The following NAV3 variants were observed in gnomAD, a reference collection of about 807,000 sequenced individuals.
NAV3 encodes pore membrane and/or filament interacting like protein 1.
Under a neutral mutation model 244.7 loss-of-function variants are expected in NAV3, and 87 were observed. That is an observed-to-expected ratio of 0.36 (90% CI 0.30 to 0.42). NAV3 has a LOEUF of 0.42. Ranked by LOEUF, NAV3 falls within the 20% of genes least tolerant of loss-of-function variation. The pLI, the probability that NAV3 is intolerant of heterozygous loss-of-function variation, is 1.00. For synonymous variants in NAV3, 1,126 were observed against 1,042.2 expected, an observed-to-expected ratio of 1.08 and a Z score of -1.55; for missense variants, 2,663 against 2,893.3, an observed-to-expected ratio of 0.92 and a Z score of 1.83.
chr12:77,605,310 C>T (rs696452), intron 2 of NAV3, among the ~76,000 whole-genome samples: 52,033 of 151,904 alleles, frequency 0.34, 9,151 homozygotes, highest in Middle Eastern at 0.5. Flanking sequence ...TCAATAGCAC[C>T]TGCCCGATCA....
intron 2 of NAV3, among the ~76,000 whole-genome samples, chr12:77,728,003 G>A (rs191520529): frequency 1.3e-5 from 2 of 151,726 alleles, no homozygotes; most frequent in Admixed American, 1.3e-4. Context: ...TTTTTTAGAT[G>A]TTTTAAAATT....
intron 5 of NAV3, among the ~76,000 whole-genome samples, chr12:77,984,149 G>T (rs1870055430): frequency 6.6e-6 from 1 of 152,106 alleles, no homozygotes; most frequent in Admixed American, 6.6e-5. Flanking sequence ...TTATGTTGTT[G>T]ACTTTGGGAA....
chr12:77,940,349 G>A lies in NAV3; in HGVS notation c.274G>A (p.Ala92Thr), dbSNP rs2137468245. 6.2e-7 allele frequency: 1 copy of A among 1,613,756 alleles called. No individual in the cohort carries two copies. Among genetic ancestry groups the A allele is most frequent in the Non-Finnish European group, 8.5e-7 (1 of 1,179,798 alleles). ...CACTGACTGGGCCAACCACTACCTAGCAAAATCAGGCCACAAGCGGCTGAT... is the reference window on the plus strand; with the variant it reads ...CACTGACTGGGCCAACCACTACCTAACAAAATCAGGCCACAAGCGGCTGAT... ...IYTDWANHYL[A>T]KSGHKRLIKD... Residue 92 changes from alanine to threonine, a missense_variant, in exon 2 of 40, where the codon GCA becomes ACA. Physicochemically the swap from Ala to Thr is moderately conservative, Grantham distance 58. Transcript: ENST00000397909.
chr12:77,665,668 C>T (rs920243597), intron 2 of NAV3, among the ~76,000 whole-genome samples: 1 of 152,056 alleles, frequency 6.6e-6, no homozygotes, highest in South Asian at 2.1e-4. Context: ...AGGCTTAAAG[C>T]ATCATTTCAT....
chr12:77,846,944 C>T (rs1257253921), intron 1 of NAV3, among the ~76,000 whole-genome samples: 1 of 152,058 alleles, frequency 6.6e-6, no homozygotes, highest in African/African-American at 2.4e-5. Flanking sequence ...ATAAAACAAA[C>T]ATGTCTTAGT....
chr12:78,210,665 G>A lies in NAV3; in HGVS notation c.*148G>A. ...GTCTCCAAGGAGGCAGCAGAACTAA[G>A]TCTGAACCGCCAAGATGCTAAATTG... On this transcript the variant is annotated 3_prime_UTR_variant, in exon 40 of 40. Coordinates refer to ENST00000397909, the MANE Select transcript of NAV3 (RefSeq NM_001024383.2). 1.2e-6 allele frequency: 1 copy of A among 861,510 alleles called. No homozygotes were observed. The highest frequency in any genetic ancestry group is 1.8e-6 in the Non-Finnish European group (1 of 565,968). 53.4% of individuals were successfully genotyped at this position (861,510 alleles called of 1,614,324 possible).
intron 9 of NAV3, among the ~76,000 whole-genome samples, chr12:78,030,726 A>C (rs1878834574): frequency 6.6e-6 from 1 of 152,200 alleles, no homozygotes; most frequent in South Asian, 2.1e-4. Context: ...GATAAAATTT[A>C]ACACCACAAA....
At chr12:77,905,173 AAATCTTGGATTTTGAG>A (rs1167148401) in intron 1 of NAV3, among the ~76,000 whole-genome samples, 20 of 152,154 alleles carry the variant, frequency 1.3e-4, no homozygotes, top group Non-Finnish European at 1.9e-4. Context: ...TCTAATACCA[AAATCTTGGATTTTGAG>A]ATTCAAGATG....
intron 1 of NAV3, among the ~76,000 whole-genome samples, chr12:77,889,806 T>C (rs1883720586): frequency 6.6e-6 from 1 of 152,202 alleles, no homozygotes; most frequent in African/African-American, 2.4e-5. Flanking sequence ...AGTTGAAGAC[T>C]AGCATATTTT....
intron 27 of NAV3, 52 bp from the exon 28 acceptor site, chr12:78,177,568 T>G: frequency 6.6e-7 from 1 of 1,514,592 alleles, no homozygotes; most frequent in Non-Finnish European, 9.0e-7. Flanking sequence ...TGATTCTCAC[T>G]TCTTTTCATG....
intron 1 of NAV3, among the ~76,000 whole-genome samples, chr12:77,927,134 G>C (rs1888299331): frequency 1.3e-5 from 2 of 152,196 alleles, no homozygotes; most frequent in Non-Finnish European, 2.9e-5. Flanking sequence ...AAAGGGTAGA[G>C]ATGGACTGTT....
intron 22 of NAV3, among the ~76,000 whole-genome samples, chr12:78,157,027 A>ACTATAAAGAAAAG (rs1394731198): frequency 1.3e-5 from 2 of 152,148 alleles, no homozygotes; most frequent in Non-Finnish European, 2.9e-5. Context: ...GGTAGGAAAA[A>ACTATAAAGAAAAG]CTATAAAGAA....
chr12:77,641,766 C>T (rs1872422933), intron 2 of NAV3, among the ~76,000 whole-genome samples: 1 of 152,094 alleles, frequency 6.6e-6, no homozygotes, highest in South Asian at 2.1e-4. Flanking sequence ...ATTGTCTGTA[C>T]AACCTTAACC....
chr12:77,893,630 C>T (rs1363640923), intron 1 of NAV3, among the ~76,000 whole-genome samples: 1 of 151,318 alleles, frequency 6.6e-6, no homozygotes, highest in Non-Finnish European at 1.5e-5. Context: ...AATTGTACGC[C>T]AGCTTATTCT....
At chr12:78,128,277 A>AAC (rs1555175384) in intron 17 of NAV3, among the ~76,000 whole-genome samples, 1 of 151,508 alleles carries the variant, frequency 6.6e-6, no homozygotes, top group South Asian at 2.1e-4. Context: ...TAAAAAAAAA[A>AAC]AAAAACAAAA....
chr12:77,916,327 C>T (rs150823993), intron 1 of NAV3, among the ~76,000 whole-genome samples: 85 of 151,608 alleles, frequency 5.6e-4, no homozygotes, highest in African/African-American at 2.0e-3. Flanking sequence ...AAGAATAAAT[C>T]CAGGGACCGT....
chr12:77,616,096 A>G (rs894819381), intron 2 of NAV3, among the ~76,000 whole-genome samples: 1 of 152,112 alleles, frequency 6.6e-6, no homozygotes, highest in Admixed American at 6.6e-5. Context: ...CTCAAACTAT[A>G]TCGTATTCAG....
intron 1 of NAV3, among the ~76,000 whole-genome samples, chr12:77,913,461 C>G (rs1886815234): frequency 6.6e-6 from 1 of 152,036 alleles, no homozygotes; most frequent in Admixed American, 6.6e-5. Flanking sequence ...TTGACACAGT[C>G]TCACTCTGTC....
intron 2 of NAV3, among the ~76,000 whole-genome samples, chr12:77,723,755 C>CTTTTTTTTTTTTTTTTTTTTTTTTT (rs34518266): frequency 1.5e-5 from 1 of 67,648 alleles, no homozygotes; most frequent in Non-Finnish European, 2.6e-5. Flanking sequence ...GCAATCTTGA[C>CTTTTTTTTTTTTTTTTTTTTTTTTT]TTTTTTTTTT....
Sources: gnomAD v4.1 joint callset for allele counts (sites outside exome capture counted in the v4.1 genomes callset) on GRCh38, gnomAD v4.1.1 for gene constraint, MANE v1.5 for transcripts, NCBI Gene and HGNC (gene_info 2026-07-23, HGNC 2026-07-21) for gene names.